TBCD: variants seen among roughly 807,000 people sequenced by gnomAD.
The protein encoded by TBCD is tubulin-specific chaperone D.
In TBCD, 105 loss-of-function variants were observed where a neutral mutation model predicts 169.3. That is an observed-to-expected ratio of 0.62 (90% CI 0.53 to 0.73). The LOEUF (loss-of-function observed/expected upper bound fraction) is 0.73. Ranked by LOEUF, TBCD falls within the 30% of genes least tolerant of loss-of-function variation. The probability of loss-of-function intolerance (pLI) is 0.00; values close to 1 mark genes in which losing one functional copy is unlikely to be tolerated. For synonymous variants in TBCD, 700 were observed against 643.9 expected, an observed-to-expected ratio of 1.09 and a Z score of -1.32; for missense variants, 1,444 against 1,600.1, an observed-to-expected ratio of 0.90 and a Z score of 1.66.
intron 17 of TBCD, among the ~76,000 whole-genome samples, chr17:82,897,161 C>T (rs1003545931): frequency 6.6e-6 from 1 of 152,056 alleles, no homozygotes; most frequent in African/African-American, 2.4e-5. Flanking sequence ...TACATATTTC[C>T]TCCTGCTCCG....
rs567727248 is a variant in TBCD at position 82,769,591 on chromosome 17, A to G, written c.582+1025A>G. Among the ~76,000 whole-genome samples the G allele has an allele frequency of 1.4e-3, 213 of 152,244 alleles. 1 individual carries two copies. The highest frequency in any genetic ancestry group is 5.0e-3 in the African/African-American group (208 of 41,550). ...TATGGATTAATAATTTAACCTATAC[A>G]TTGGGCTGGGCATGGTGGGTCACTC... is the stretch of plus-strand genomic sequence containing the variant. On this transcript the variant is annotated intron_variant, in intron 5 of 38. Transcript: ENST00000355528.
At chr17:82,752,405 T>C (rs2047145110) in intron 1 of TBCD, 28 bp downstream of exon 1, 2 of 1,208,376 alleles carry the variant, frequency 1.7e-6, no homozygotes, top group Non-Finnish European at 2.1e-6. Flanking sequence ...CGTGCCCGCT[T>C]CCTCCCCCGG....
intron 6 of TBCD, among the ~76,000 whole-genome samples, chr17:82,781,173 G>A: frequency 6.6e-6 from 1 of 152,018 alleles, no homozygotes; most frequent in Non-Finnish European, 1.5e-5. Flanking sequence ...CCAGCTGCCG[G>A]GGCCAGGCCT....
At chr17:82,932,540 G>A (rs900469292) in intron 33 of TBCD, 118 bp from the exon 34 acceptor site, 30 of 807,118 alleles carry the variant, frequency 3.7e-5, no homozygotes, top group African/African-American at 3.6e-4. Context: ...GCGTTTCCAC[G>A]TAAATTATAA....
chr17:82,860,365 C>A (rs995775752), intron 13 of TBCD: 1 of 985,394 alleles, frequency 1.0e-6, no homozygotes, highest in Non-Finnish European at 1.2e-6. Context: ...GGGGCAGGAA[C>A]TGACTGGCTC....
Position 82,903,531 on chromosome 17 carries a change from G to T in TBCD, c.1804+53G>T. ...GGCACCATGCATGCACTGCAGAAAG[G>T]CCTGGGTTGCTGGTTTCAAAGGCTG... On this transcript the variant is annotated intron_variant, in intron 19 of 38. Coordinates refer to ENST00000355528, the MANE Select transcript of TBCD (RefSeq NM_005993.5). This position sits in a 1 kb window ranked among gnomAD's most constrained non-coding sequence, Gnocchi z 4.8. The T allele has an allele frequency of 2.6e-6, 4 of 1,520,384 alleles. No individual in the cohort carries two copies. The highest frequency in any genetic ancestry group is 3.6e-6 in the Non-Finnish European group (4 of 1,119,962). The allele number at this position is 1,520,384 out of a possible 1,614,324, so 94.2% of individuals were successfully genotyped here.
At chr17:82,927,109 C>T (rs1454178683) in intron 28 of TBCD, 77 bp from the exon 29 acceptor site, 2 of 1,578,876 alleles carry the variant, frequency 1.3e-6, no homozygotes, top group African/African-American at 2.7e-5. Context: ...GGATCAGGAA[C>T]ACACATCAGC....
intron 16 of TBCD, among the ~76,000 whole-genome samples, chr17:82,892,211 G>T (rs2059191821): frequency 6.6e-6 from 1 of 152,128 alleles, no homozygotes. Context: ...CTTGTTCTCG[G>T]TGAGACCTGG....
Position 82,835,380 on chromosome 17 carries a change from G to A in TBCD, c.1318+20446G>A, listed in dbSNP as rs572810989. Among the ~76,000 whole-genome samples the A allele has an allele frequency of 5.3e-4, 81 of 152,248 alleles. No individual in the cohort carries two copies. Among genetic ancestry groups the A allele is most frequent in the African/African-American group, 1.8e-3 (73 of 41,560 alleles). ...AACTCTGGGGAAGTGCTCTGATTTT[G>A]TTCTCAGCAAACTGGTTTCTCTACT... On this transcript the variant is annotated intron_variant, in intron 13 of 38. Coordinates refer to ENST00000355528, the MANE Select transcript of TBCD (RefSeq NM_005993.5). This position sits in a 1 kb window ranked among gnomAD's most constrained non-coding sequence, Gnocchi z 4.5.
In TBCD at chr17:82,782,365, C is replaced by G. The variant is rs56697906; in HGVS notation, c.771+644C>G. On this transcript the variant is annotated intron_variant, in intron 7 of 38. Coordinates refer to ENST00000355528, the MANE Select transcript of TBCD (RefSeq NM_005993.5). The surrounding 1 kb of genome is among the most constrained non-coding windows in gnomAD (Gnocchi z 5.1). ...GCCTTCTGGAGGGGGAGCCGGCAGCCGGCTGTGGCCTTTGGCGTGGTGGGT... is the reference window on the plus strand; with the variant it reads ...GCCTTCTGGAGGGGGAGCCGGCAGCGGGCTGTGGCCTTTGGCGTGGTGGGT... 6.6e-6 allele frequency among the ~76,000 whole-genome samples: 1 copy of G among 152,174 alleles called. No homozygotes were observed. Among genetic ancestry groups the G allele is most frequent in the Non-Finnish European group, 1.5e-5 (1 of 68,028 alleles).
intron 35 of TBCD, 99 bp downstream of exon 35, chr17:82,937,459 T>TA: frequency 9.7e-7 from 1 of 1,029,430 alleles, no homozygotes; most frequent in South Asian, 1.3e-5. Flanking sequence ...GAGGAGCAGT[T>TA]AGTGTTACTC....
At chr17:82,768,894 G>A (rs1336126360) in intron 5 of TBCD, among the ~76,000 whole-genome samples, 4 of 152,116 alleles carry the variant, frequency 2.6e-5, no homozygotes, top group Non-Finnish European at 4.4e-5. Flanking sequence ...AATAATAGAT[G>A]CTCATTTGTA....
In TBCD at chr17:82,944,809, T is replaced by C. The variant is rs1303689025; in HGVS notation, c.*2346T>C. On this transcript the variant is annotated 3_prime_UTR_variant, in exon 39 of 39. Coordinates refer to ENST00000355528, the MANE Select transcript of TBCD (RefSeq NM_005993.5). ...TGAGCCCTGGAATCTAGTCACGCTA[T>C]TTTGATAGCAGAATGGATGAGAGAA... 1 of 152,178 alleles carries C rather than the reference T, an allele frequency of 6.6e-6. No individual in the cohort carries two copies. The highest frequency in any genetic ancestry group is 1.9e-4 in the East Asian group (1 of 5,196). 9.4% of individuals were successfully genotyped at this position (152,178 alleles called of 1,614,324 possible).
Position 82,831,867 on chromosome 17 carries a change from G to T in TBCD, c.1318+16933G>T. On this transcript the variant is annotated intron_variant, in intron 13 of 38. Transcript: ENST00000355528. The surrounding 1 kb of genome is among the most constrained non-coding windows in gnomAD (Gnocchi z 4.6). ...AGCCAGGAGTGTGGAAGGCCGACTTGGTGTGGAAAGACACGGCCTTGGCAG... is the reference window on the plus strand; with the variant it reads ...AGCCAGGAGTGTGGAAGGCCGACTTTGTGTGGAAAGACACGGCCTTGGCAG... 6.2e-7 allele frequency: 1 copy of T among 1,614,214 alleles called. No homozygotes were observed. Among genetic ancestry groups the T allele is most frequent in the Non-Finnish European group, 8.5e-7 (1 of 1,180,030 alleles).
At chr17:82,773,494 T>C (rs1251079026) in intron 6 of TBCD, among the ~76,000 whole-genome samples, 2 of 152,178 alleles carry the variant, frequency 1.3e-5, no homozygotes, top group East Asian at 3.9e-4. Context: ...GAGCATGAAG[T>C]ACAAAATAAA....
intron 37 of TBCD, among the ~76,000 whole-genome samples, chr17:82,940,214 C>G (rs1430943472): frequency 8.1e-5 from 5 of 61,534 alleles, no homozygotes; most frequent in African/African-American, 2.1e-4. Flanking sequence ...TGCTCACTTG[C>G]ACGCGCGCAC....
At chr17:82,942,182 A>T (rs541196011) in intron 38 of TBCD, 61 of 550,704 alleles carry the variant, frequency 1.1e-4, no homozygotes, top group African/African-American at 1.1e-3. Flanking sequence ...ATTAGGAAAA[A>T]TTTCAAACGT....
At chr17:82,907,300 GT>G (rs1387209354) in intron 20 of TBCD, among the ~76,000 whole-genome samples, 5 of 152,220 alleles carry the variant, frequency 3.3e-5, no homozygotes, top group Admixed American at 3.3e-4. Flanking sequence ...GGACCTGTCT[GT>G]TTTCCAAGGT....
intron 23 of TBCD, chr17:82,913,662 C>T (rs1487514085): frequency 6.6e-6 from 1 of 152,462 alleles, no homozygotes; most frequent in African/African-American, 2.4e-5. Flanking sequence ...CCCTCCTGCT[C>T]CGTGAAGCGG....
Sources: allele counts gnomAD v4.1 joint callset (sites outside exome capture counted in the v4.1 genomes callset), GRCh38; gene constraint gnomAD v4.1.1; non-coding constraint Gnocchi (gnomAD v3.1); transcripts MANE v1.5; gene names NCBI Gene and HGNC (gene_info 2026-07-23, HGNC 2026-07-21).